The following TM9SF3 variants were observed in gnomAD, a reference collection of about 807,000 sequenced individuals.
The protein encoded by TM9SF3 is SM-11044-binding protein.
A neutral mutation model predicts 78.6 loss-of-function variants in TM9SF3; 14 were observed. The ratio of observed to expected loss-of-function variants is 0.18; its 90% CI spans 0.12 to 0.28. TM9SF3 has a LOEUF of 0.28. Among genes scored for constraint, TM9SF3 ranks in the 10% least tolerant of loss-of-function variants. The pLI is 1.00. For synonymous variants in TM9SF3, 231 were observed against 241.7 expected (o/e 0.96, Z 0.41); for missense variants, 496 against 721.9 (o/e 0.69, Z 3.59).
intron 9 of TM9SF3, among the ~76,000 whole-genome samples, chr10:96,539,804 GA>G (rs1292608462): frequency 6.6e-6 from 1 of 151,736 alleles, no homozygotes; most frequent in Non-Finnish European, 1.5e-5. Context: ...TGACAGAAAG[GA>G]AAAGAAAAAT....
intron 1 of TM9SF3, among the ~76,000 whole-genome samples, chr10:96,586,287 G>A (rs150763824): frequency 1.3e-5 from 2 of 152,328 alleles, no homozygotes; most frequent in African/African-American, 4.8e-5. Context: ...CCTGGTTAGT[G>A]GCTGCCGGGT....
chr10:96,565,759 A>G (rs1848361345), intron 2 of TM9SF3, among the ~76,000 whole-genome samples: 2 of 152,202 alleles, frequency 1.3e-5, no homozygotes, highest in Admixed American at 1.3e-4. Flanking sequence ...GCTTAAACAC[A>G]TAACAAAGTT....
rs114355207 is a variant in TM9SF3 at position 96,558,665 on chromosome 10, A to G, written c.660+994T>C. 7.1e-3 allele frequency among the ~76,000 whole-genome samples: 1,085 copies of G among 151,990 alleles called. 16 individuals are homozygous for G. The highest frequency in any genetic ancestry group is 0.024 in the African/African-American group (1,006 of 41,412). On this transcript the variant is annotated intron_variant, in intron 5 of 14. Coordinates refer to ENST00000371142, the MANE Select transcript of TM9SF3 (RefSeq NM_020123.4). ...TGTCTCAAAAAAAAAAAAAAAGACT[A>G]AATTCCAAATAGCTTAATTGTTAAA...
At chr10:96,564,127 C>T (rs1848343137) in intron 3 of TM9SF3, among the ~76,000 whole-genome samples, 1 of 134,512 alleles carries the variant, frequency 7.4e-6, no homozygotes, top group Non-Finnish European at 1.6e-5. Context: ...TACAAACACA[C>T]CAAAAAAAAA....
In TM9SF3 at chr10:96,551,260, T is replaced by C. The variant is rs769828797; in HGVS notation, c.944A>G (p.Glu315Gly). The change falls in exon 7 of 15, where the codon GAA becomes GGA. Residue 315 changes from glutamate to glycine, a missense_variant. This residue lies in a region of TM9SF3 where 280 missense variants were observed against 422.6 expected (regional missense o/e 0.66). Coordinates refer to ENST00000371142, the MANE Select transcript of TM9SF3 (RefSeq NM_020123.4). ...AGGCACTTACTCAGTATATAAATCT[T>C]CTATCATTGCAACAATAATAACGAT... ...SLIVIIVAMI[E>G]DLYTERGSML... 4 of 1,611,212 alleles carry C rather than the reference T, an allele frequency of 2.5e-6. No homozygotes were observed. Among genetic ancestry groups the C allele is most frequent in the Non-Finnish European group, 3.4e-6 (4 of 1,179,190 alleles).
intron 5 of TM9SF3, 66 bp from the exon 6 acceptor site, chr10:96,553,125 G>A (rs1170210113): frequency 2.7e-6 from 4 of 1,469,206 alleles, no homozygotes; most frequent in Non-Finnish European, 3.6e-6. Flanking sequence ...TAGGTTCCAT[G>A]AGGACAACCG....
intron 10 of TM9SF3, 44 bp downstream of exon 10, chr10:96,533,007 T>C (rs372088218): frequency 9.3e-6 from 15 of 1,608,768 alleles, no homozygotes; most frequent in Middle Eastern, 1.7e-4. Flanking sequence ...TAAGAACTTA[T>C]ATATTGTGTG....
intron 9 of TM9SF3, among the ~76,000 whole-genome samples, chr10:96,540,166 T>C (rs532384441): frequency 6.6e-6 from 1 of 152,330 alleles, no homozygotes; most frequent in African/African-American, 2.4e-5. Context: ...TAGTCTCACA[T>C]CCCTTTTCAA....
At chr10:96,573,216 C>T (rs1848458812) in intron 2 of TM9SF3, among the ~76,000 whole-genome samples, 1 of 152,158 alleles carries the variant, frequency 6.6e-6, no homozygotes, top group Admixed American at 6.5e-5. Context: ...GTTCCAGTTT[C>T]TATTATTAGT....
At chr10:96,527,960 T>TA in intron 12 of TM9SF3, 71 bp downstream of exon 12, 1 of 1,475,818 alleles carries the variant, frequency 6.8e-7, no homozygotes, top group Non-Finnish European at 9.2e-7. Context: ...CTCCACTTGA[T>TA]AGATTTCAAA....
intron 5 of TM9SF3, among the ~76,000 whole-genome samples, chr10:96,555,108 A>G (rs544782569): frequency 1.3e-5 from 2 of 150,202 alleles, no homozygotes; most frequent in African/African-American, 2.4e-5. Flanking sequence ...GCAGGTTCAT[A>G]TATCACTCCT....
intron 2 of TM9SF3, among the ~76,000 whole-genome samples, chr10:96,566,419 G>GAC (rs1472691786): frequency 1.3e-5 from 2 of 152,094 alleles, no homozygotes; most frequent in Non-Finnish European, 2.9e-5. Flanking sequence ...TATAACTCAA[G>GAC]ATACCCAGCA....
At chr10:96,565,556 GATAA>G in intron 2 of TM9SF3, 130 bp from the exon 3 acceptor site, 1 of 1,035,074 alleles carries the variant, frequency 9.7e-7, no homozygotes, top group Middle Eastern at 3.1e-4. Flanking sequence ...GAATCTGAGT[GATAA>G]ATAAGTGTGG....
At chr10:96,567,387 T>C (rs1163677730) in intron 2 of TM9SF3, among the ~76,000 whole-genome samples, 1 of 152,118 alleles carries the variant, frequency 6.6e-6, no homozygotes, top group Non-Finnish European at 1.5e-5. Context: ...ACCCGGCCAA[T>C]CTGTATAAAG....
intron 1 of TM9SF3, 58 bp from the exon 2 acceptor site, chr10:96,576,887 G>C: frequency 7.3e-7 from 1 of 1,366,938 alleles, no homozygotes; most frequent in Non-Finnish European, 9.6e-7. Flanking sequence ...TTCAAATTAA[G>C]GGAATATTTG....
intron 9 of TM9SF3, 68 bp from the exon 10 acceptor site, chr10:96,533,258 A>C (rs1847918613): frequency 6.6e-7 from 1 of 1,512,336 alleles, no homozygotes; most frequent in Non-Finnish European, 8.9e-7. Context: ...AATAAAAGAG[A>C]CACAATTTAA....
intron 9 of TM9SF3, among the ~76,000 whole-genome samples, chr10:96,540,503 G>C (rs140228166): frequency 2.0e-5 from 3 of 151,994 alleles, no homozygotes; most frequent in Non-Finnish European, 2.9e-5. Flanking sequence ...ACTGCCTTGC[G>C]TATCTTAGGC....
chr10:96,522,155 C>T lies in TM9SF3; in HGVS notation c.*108G>A. On this transcript the variant is annotated 3_prime_UTR_variant, in exon 15 of 15. Coordinates refer to ENST00000371142, the MANE Select transcript of TM9SF3 (RefSeq NM_020123.4). ...GACGAAAGAGAGACCCACAAAGTAC[C>T]CAGTGTGTTAAAGCCCAAATCTCTT... The T allele has an allele frequency of 3.4e-6, 3 of 871,222 alleles. No individual in the cohort carries two copies. The highest frequency in any genetic ancestry group is 2.7e-5 in the East Asian group (1 of 37,600). The allele number at this position is 871,222 out of a possible 1,614,324, so 54.0% of individuals were successfully genotyped here. A position where few individuals can be genotyped will look rare whatever the true frequency, so the allele number is the denominator to read the frequency against.
chr10:96,546,804 G>A (rs1405085607), intron 8 of TM9SF3, among the ~76,000 whole-genome samples: 3 of 152,160 alleles, frequency 2.0e-5, no homozygotes, highest in Admixed American at 2.0e-4. Flanking sequence ...AGTGTGCCCA[G>A]TCTACTAAAA....
Sources: gnomAD v4.1 joint callset for allele counts (sites outside exome capture counted in the v4.1 genomes callset) on GRCh38, gnomAD v4.1.1 for gene constraint, gnomAD v4.1.1 regional missense constraint, MANE v1.5 for transcripts, NCBI Gene and HGNC (gene_info 2026-07-23, HGNC 2026-07-21) for gene names.